The following ROBO1 variants were observed in gnomAD, a reference collection of about 807,000 sequenced individuals.
ROBO1 encodes the protein roundabout homolog 1.
Under a neutral mutation model 195.9 loss-of-function variants are expected in ROBO1, and 149 were observed. The observed-to-expected ratio is 0.76, with a 90% confidence interval of 0.67 to 0.87. The LOEUF (loss-of-function observed/expected upper bound fraction) is 0.87, where lower values mean the gene tolerates loss of function less well. ROBO1 is among the 40% of genes least tolerant of loss of function. The pLI is 0.00. For synonymous variants in ROBO1, 816 were observed against 733.2 expected, an observed-to-expected ratio of 1.11 and a Z score of -1.82; for missense variants, 1,933 against 2,068.3, an observed-to-expected ratio of 0.93 and a Z score of 1.27.
chr3:78,775,934 G>A (rs539072914), intron 4 of ROBO1, among the ~76,000 whole-genome samples: 2 of 152,326 alleles, frequency 1.3e-5, no homozygotes, highest in African/African-American at 4.8e-5. Flanking sequence ...ATTGAGGAAG[G>A]AGGCAAGTGC....
At chr3:78,909,496 A>C (rs1307843692) in intron 4 of ROBO1, among the ~76,000 whole-genome samples, 1 of 151,840 alleles carries the variant, frequency 6.6e-6, no homozygotes, top group Non-Finnish European at 1.5e-5. Context: ...AGGAATATAC[A>C]TTAAACTCGA....
intron 3 of ROBO1, among the ~76,000 whole-genome samples, chr3:79,028,274 T>G (rs1037526143): frequency 2.0e-5 from 3 of 151,942 alleles, no homozygotes; most frequent in African/African-American, 7.2e-5. Flanking sequence ...ATATTTTTTC[T>G]TTTTTCACTT....
chr3:79,300,498 C>A (rs1369854536), intron 2 of ROBO1, among the ~76,000 whole-genome samples: 1 of 152,210 alleles, frequency 6.6e-6, no homozygotes, highest in Non-Finnish European at 1.5e-5. Flanking sequence ...GCCTGAGCCT[C>A]CCACCCCCTC....
intron 1 of ROBO1, among the ~76,000 whole-genome samples, chr3:79,759,304 A>C: frequency 6.6e-6 from 1 of 152,308 alleles, no homozygotes; most frequent in Non-Finnish European, 1.5e-5. Context: ...TGCTTGGATT[A>C]ATATTTTTGA....
intron 1 of ROBO1, among the ~76,000 whole-genome samples, chr3:79,739,560 A>C (rs1374968201): frequency 6.6e-6 from 1 of 152,124 alleles, no homozygotes; most frequent in Non-Finnish European, 1.5e-5. Flanking sequence ...AAAACACAAA[A>C]GAACATGTTT....
At chr3:79,557,285 ATTAAT>A (rs1480650729) in intron 2 of ROBO1, among the ~76,000 whole-genome samples, 4 of 152,160 alleles carry the variant, frequency 2.6e-5, no homozygotes, top group Admixed American at 6.5e-5. Context: ...TGACTTTTTA[ATTAAT>A]TTAATGTCTC....
At position 78,600,189 on chromosome 3, in the gene ROBO1, ACATTTGCTTGTT is replaced by A. The variant is rs773053823; in HGVS notation, c.4853_4864del (p.Glu1618_Asn1621del). 3.1e-6 allele frequency: 5 copies of A among 1,613,528 alleles called. No individual in the cohort carries two copies. In the Admixed American group the frequency reaches 6.7e-5, roughly 22 times the overall value. ...CATTTCTGCAATATTTCTTCGACCTACATTTGCTTGTTCTCTTTGTCTGCTTCCTGATCCTCT... is the reference window on the plus strand; with the variant it reads ...CATTTCTGCAATATTTCTTCGACCTACTCTTTGTCTGCTTCCTGATCCTCT... On this transcript the variant is annotated inframe_deletion, in exon 30 of 31. Transcript: ENST00000464233.
chr3:78,795,523 G>A (rs2084159718), intron 4 of ROBO1, among the ~76,000 whole-genome samples: 2 of 152,248 alleles, frequency 1.3e-5, no homozygotes, highest in Admixed American at 6.5e-5. Flanking sequence ...CCTATGGGAA[G>A]ACAGAAGAAA....
chr3:78,975,175 A>C lies in ROBO1; in HGVS notation c.173-36248T>G, dbSNP rs559547863. 9.2e-5 allele frequency among the ~76,000 whole-genome samples: 14 copies of C among 152,312 alleles called. No individual in the cohort carries two copies. The East Asian group carries it at 2.5e-3, about 27-fold the overall frequency. On this transcript the variant is annotated intron_variant, in intron 3 of 30. Transcript: ENST00000464233. The stretch of plus-strand genomic sequence containing the variant: ...GGGTCCTGCCTCTAAAAAGTCTCTT[A>C]GACTAATCTCACTCTTATATCTTCA...
chr3:78,671,562 C>A (rs1708067045), intron 10 of ROBO1, among the ~76,000 whole-genome samples: 1 of 150,398 alleles, frequency 6.6e-6, no homozygotes, highest in South Asian at 2.1e-4. Context: ...CCTCATTTGT[C>A]ATGCAATAAA....
intron 2 of ROBO1, among the ~76,000 whole-genome samples, chr3:79,385,836 T>C (rs1158298185): frequency 2.0e-5 from 3 of 152,098 alleles, no homozygotes; most frequent in Non-Finnish European, 4.4e-5. Flanking sequence ...TTTCAAGAAA[T>C]ACAAATCTTC....
Position 79,067,238 on chromosome 3 carries a change from G to A in ROBO1, c.172+58218C>T, listed in dbSNP as rs116812833. 4.1e-3 allele frequency among the ~76,000 whole-genome samples: 628 copies of A among 151,992 alleles called. 8 individuals are homozygous for A. Among genetic ancestry groups the A allele is most frequent in the African/African-American group, 0.014 (587 of 41,504 alleles). ...TTATGTAAAAAAAGTTGATTATTTC[G>A]TTGCAAGTAAGTCCTTAATGAGGGT... On this transcript the variant is annotated intron_variant, in intron 3 of 30. Transcript: ENST00000464233.
intron 1 of ROBO1, among the ~76,000 whole-genome samples, chr3:79,622,346 G>C (rs960086711): frequency 5.3e-5 from 8 of 152,200 alleles, no homozygotes; most frequent in Non-Finnish European, 1.2e-4. Flanking sequence ...CACCCCAACT[G>C]TGGTTGCCTA....
intron 5 of ROBO1, among the ~76,000 whole-genome samples, chr3:78,720,740 T>C (rs1249323451): frequency 2.6e-5 from 4 of 152,296 alleles, no homozygotes; most frequent in Admixed American, 6.5e-5. Flanking sequence ...GTGGCATATA[T>C]ACACCATGGA....
intron 2 of ROBO1, among the ~76,000 whole-genome samples, chr3:79,517,559 C>T (rs912426656): frequency 6.6e-6 from 1 of 152,138 alleles, no homozygotes; most frequent in Non-Finnish European, 1.5e-5. Flanking sequence ...TCCTTCATAT[C>T]TGTGACTTTC....
chr3:79,229,862 A>T (rs1232811187), intron 2 of ROBO1, among the ~76,000 whole-genome samples: 1 of 152,016 alleles, frequency 6.6e-6, no homozygotes, highest in Non-Finnish European at 1.5e-5. Flanking sequence ...TCAAATCATA[A>T]TTTTTCTTAT....
chr3:78,963,493 AGTT>A (rs2041492890), intron 3 of ROBO1, among the ~76,000 whole-genome samples: 2 of 41,132 alleles, frequency 4.9e-5, no homozygotes, highest in Non-Finnish European at 1.0e-4. Flanking sequence ...GAAAACCTTC[AGTT>A]TTTTTTTTTT....
chr3:78,909,210 A>C (rs1405432445), intron 4 of ROBO1, among the ~76,000 whole-genome samples: 1 of 151,868 alleles, frequency 6.6e-6, no homozygotes, highest in Non-Finnish European at 1.5e-5. Flanking sequence ...GTTGGCCTAC[A>C]TATATTAGAA....
At chr3:79,490,410 C>T (rs58115970) in intron 2 of ROBO1, among the ~76,000 whole-genome samples, 2,060 of 152,256 alleles carry the variant, frequency 0.014, 45 homozygotes, top group African/African-American at 0.047. Context: ...ACACTTTTTA[C>T]CTCCTGGCCT....
Sources: gnomAD v4.1 joint callset for allele counts (sites outside exome capture counted in the v4.1 genomes callset) on GRCh38, gnomAD v4.1.1 for gene constraint, MANE v1.5 for transcripts, NCBI Gene and HGNC (gene_info 2026-07-23, HGNC 2026-07-21) for gene names.